Variants in CHD5 observed in about 807,000 individuals in gnomAD.
CHD5 encodes ATP-dependent chromatin remodeler CHD5.
Under a neutral mutation model 230.3 loss-of-function variants are expected in CHD5, and 69 were observed. That is an observed-to-expected ratio of 0.30 (90% CI 0.25 to 0.37). The LOEUF is 0.37. CHD5 is among the 10% of genes least tolerant of loss of function. The probability of loss-of-function intolerance (pLI) is 1.00; values close to 1 mark genes in which losing one functional copy is unlikely to be tolerated. For synonymous variants in CHD5, 1,064 were observed against 1,065.9 expected, an observed-to-expected ratio of 1.00 and a Z score of 0.03; for missense variants, 1,827 against 2,622.8, an observed-to-expected ratio of 0.70 and a Z score of 6.63.
At chr1:6,116,896 A>C (rs1290339741) in intron 33 of CHD5, among the ~76,000 whole-genome samples, 2 of 152,252 alleles carry the variant, frequency 1.3e-5, no homozygotes, top group African/African-American at 4.8e-5. Flanking sequence ...AAAAATTTAG[A>C]AATAAGCATA....
chr1:6,124,619 C>A lies in CHD5; in HGVS notation c.4437G>T (p.Gly1479=), dbSNP rs146870024. Residue 1479 remains glycine, a synonymous_variant, in exon 30 of 42, where the codon GGG becomes GGT. Coordinates refer to ENST00000262450, the MANE Select transcript of CHD5 (RefSeq NM_015557.3). ...SLFMRHLCEP[G]ADGAETFADG... is the part of the protein sequence containing the mutation. ...CTGCGAAGGTCTCTGCACCATCCGCCCCCGGCTCACACAGGTGCCGCATGA... is the reference window on the plus strand; with the variant it reads ...CTGCGAAGGTCTCTGCACCATCCGCACCCGGCTCACACAGGTGCCGCATGA... 19 of 1,600,690 alleles carry A rather than the reference C, an allele frequency of 1.2e-5. No homozygotes were observed. The highest frequency in any genetic ancestry group is 1.5e-5 in the Non-Finnish European group (18 of 1,173,526).
intron 30 of CHD5, 137 bp downstream of exon 30, chr1:6,124,380 C>A (rs1325396273): frequency 8.8e-6 from 9 of 1,021,422 alleles, no homozygotes; most frequent in Admixed American, 2.0e-5. Flanking sequence ...CAGGTCAGTC[C>A]CTCTGGAGTG....
In CHD5 at chr1:6,110,442, C is replaced by T. The variant is rs1213982092; in HGVS notation, c.5334G>A (p.Lys1778=). Residue 1778 remains lysine, a synonymous_variant, in exon 37 of 42, where the codon AAG becomes AAA. Transcript: ENST00000262450. ...LNEPFKSEVH[K]GNYLEMKNKF... is the part of the protein sequence containing the mutation. ...TGTTCTTCATCTCCAGGTAGTTGCC[C>T]TTGTGGACCTCAGACTTGAAGGGCT... is the stretch of plus-strand genomic sequence containing the variant. 6.2e-7 allele frequency: 1 copy of T among 1,614,058 alleles called. No homozygotes were observed. The highest frequency in any genetic ancestry group is 1.1e-5 in the South Asian group (1 of 91,080).
rs1379591102 is a variant in CHD5 at position 6,151,257 on chromosome 1, GAC to G, written c.871-104_871-103del. ...GACAAAGCACGGAAGAGGCTCTGGAGACACAGTGCTCTCTGTGATTCATCTCA... is the reference window on the plus strand; with the variant it reads ...GACAAAGCACGGAAGAGGCTCTGGAGACAGTGCTCTCTGTGATTCATCTCA... On this transcript the variant is annotated intron_variant, in intron 6 of 41. Transcript: ENST00000262450. 5.0e-4 allele frequency: 668 copies of G among 1,328,152 alleles called. 1 individual carries two copies. Among genetic ancestry groups the G allele is most frequent in the Non-Finnish European group, 6.4e-4 (639 of 999,556 alleles). The allele number at this position is 1,328,152 out of a possible 1,614,324, so 82.3% of individuals were successfully genotyped here.
At chr1:6,109,728 G>A in intron 38 of CHD5, 67 bp downstream of exon 38, 1 of 1,421,276 alleles carries the variant, frequency 7.0e-7, no homozygotes, top group Non-Finnish European at 9.8e-7. Flanking sequence ...CTCATCTACA[G>A]CCAAGAGCGC....
At chr1:6,140,452 C>T (rs1197505474) in intron 15 of CHD5, among the ~76,000 whole-genome samples, 2 of 151,986 alleles carry the variant, frequency 1.3e-5, no homozygotes, top group Admixed American at 6.6e-5. Flanking sequence ...CGGGCCCCAC[C>T]CCAGCACTGC....
Position 6,142,091 on chromosome 1 carries a change from C to T in CHD5, c.2436+37G>A. Reference sequence around the variant, plus strand: ...CGTGGTCCCTGAACTAGACCGGGGGCCTTCCTACCGTCCTTCCAAGGATAG... The same window carrying T: ...CGTGGTCCCTGAACTAGACCGGGGGTCTTCCTACCGTCCTTCCAAGGATAG... On this transcript the variant is annotated intron_variant, in intron 15 of 41. Transcript: ENST00000262450. This position sits in a 1 kb window ranked among gnomAD's most constrained non-coding sequence, Gnocchi z 5.2. 1 of 1,579,104 alleles carries T rather than the reference C, an allele frequency of 6.3e-7. No individual in the cohort carries two copies. Among genetic ancestry groups the T allele is most frequent in the Non-Finnish European group, 8.7e-7 (1 of 1,149,218 alleles).
At chr1:6,162,531 G>A (rs1053607291) in intron 2 of CHD5, among the ~76,000 whole-genome samples, 5 of 152,154 alleles carry the variant, frequency 3.3e-5, no homozygotes, top group East Asian at 1.9e-4. Context: ...GGGCTGGGCC[G>A]CCTTGCTGTG....
rs1258577201 is a variant in CHD5 at position 6,129,386 on chromosome 1, G to A, written c.3388-317C>T. On this transcript the variant is annotated intron_variant, in intron 22 of 41. Coordinates refer to ENST00000262450, the MANE Select transcript of CHD5 (RefSeq NM_015557.3). This position sits in a 1 kb window ranked among gnomAD's most constrained non-coding sequence, Gnocchi z 6.8. ...TGCTGGGTGTAACTGAAGCCACACA[G>A]AGCTTCGTGGGGGCCACGGGGAGGT... is the stretch of plus-strand genomic sequence containing the variant. Among the ~76,000 whole-genome samples, 2 of 152,220 alleles carry A rather than the reference G, an allele frequency of 1.3e-5. No homozygotes were observed. Among genetic ancestry groups the A allele is most frequent in the Non-Finnish European group, 2.9e-5 (2 of 68,032 alleles).
In CHD5 at chr1:6,151,144, A is replaced by T. The variant is rs267598682; in HGVS notation, c.882T>A (p.Asp294Glu). ...KRKKGSSSEE[D>E]EREESDFDSA... ...TGTCGAAGTCCGACTCCTCCCTCTC[A>T]TCTTCTTCACTCTGCAGGGGAAGAC... Residue 294 changes from aspartate (D) to glutamate (E), a missense_variant, in exon 7 of 42, where the codon GAT becomes GAA. Physicochemically the swap from Asp to Glu is conservative, Grantham distance 45. Around this residue, in one of 14 missense-constraint regions of CHD5, gnomAD observed 657 missense variants for 816.4 expected, o/e 0.80. Coordinates refer to ENST00000262450, the MANE Select transcript of CHD5 (RefSeq NM_015557.3). 6.2e-7 allele frequency: 1 copy of T among 1,607,400 alleles called. No homozygotes were observed. The highest frequency in any genetic ancestry group is 8.5e-7 in the Non-Finnish European group (1 of 1,176,538).
At chr1:6,110,955 C>T (rs760317564) in intron 36 of CHD5, among the ~76,000 whole-genome samples, 5 of 152,178 alleles carry the variant, frequency 3.3e-5, no homozygotes, top group Non-Finnish European at 7.4e-5. Flanking sequence ...TGGGGCCAGG[C>T]ATGGTGGCTC....
Position 6,134,356 on chromosome 1 carries a change from T to A in CHD5, c.3013-97A>T. ...CAGGGAACAGACAAGTGCTGAGCAA[T>A]GGGGTGATGGCCTGTCTGCCCACTG... On this transcript the variant is annotated intron_variant, in intron 19 of 41. Transcript: ENST00000262450. This position sits in a 1 kb window ranked among gnomAD's most constrained non-coding sequence, Gnocchi z 6.3. 2 of 1,406,582 alleles carry A rather than the reference T, an allele frequency of 1.4e-6. No homozygotes were observed. Among genetic ancestry groups the A allele is most frequent in the Non-Finnish European group, 2.0e-6 (2 of 1,021,576 alleles). 87.1% of individuals were successfully genotyped at this position (1,406,582 alleles called of 1,614,324 possible). A position where few individuals can be genotyped will look rare whatever the true frequency, so the allele number is the denominator to read the frequency against.
chr1:6,124,668 T>TTG lies in CHD5; in HGVS notation c.4395-8_4395-7insCA, dbSNP rs769553533. ...GAAGAGGGACACATAGGCTCTGGGG[T>TTG]GGGGGGGGGGGACTGGGGCTCAGGG... is the stretch of plus-strand genomic sequence containing the variant. On this transcript the variant is annotated splice_region_variant and splice_polypyrimidine_tract_variant and intron_variant, in intron 29 of 41. Transcript: ENST00000262450. 17 of 426,738 alleles carry TTG rather than the reference T, an allele frequency of 4.0e-5. No individual in the cohort carries two copies. In the African/African-American group the frequency reaches 5.6e-4, roughly 14 times the overall value. 26.4% of individuals were successfully genotyped at this position (426,738 alleles called of 1,614,324 possible).
Position 6,105,080 on chromosome 1 carries a change from G to A in CHD5, c.*394C>T, listed in dbSNP as rs1032592492. The A allele has an allele frequency of 4.9e-5, 16 of 324,628 alleles. No individual in the cohort carries two copies. Among genetic ancestry groups the A allele is most frequent in the African/African-American group, 3.0e-4 (14 of 45,974 alleles). The allele number at this position is 324,628 out of a possible 1,614,324, so 20.1% of individuals were successfully genotyped here. On this transcript the variant is annotated 3_prime_UTR_variant, in exon 42 of 42. Coordinates refer to ENST00000262450, the MANE Select transcript of CHD5 (RefSeq NM_015557.3). The surrounding 1 kb of genome is among the most constrained non-coding windows in gnomAD (Gnocchi z 4.8). ...CGGTAAAGAGACATCAGTGCTGCAG[G>A]TTCGAATCTTCCATACGTCATCCAA...
At chr1:6,173,379 C>G (rs1667369325) in intron 1 of CHD5, among the ~76,000 whole-genome samples, 1 of 152,068 alleles carries the variant, frequency 6.6e-6, no homozygotes, top group Non-Finnish European at 1.5e-5. Flanking sequence ...GCTGGGATTA[C>G]AGGCATGAGC....
Position 6,106,697 on chromosome 1 carries a change from C to A in CHD5, c.5661G>T (p.Pro1887=), listed in dbSNP as rs945993499. The change falls in exon 39 of 42, where the codon CCG becomes CCT. Residue 1887 remains proline, a synonymous_variant. Transcript: ENST00000262450. The part of the protein sequence containing the change: ...RLPSMLSRIP[P]VAARLQMSER... ...CCGACATCTGCAGCCGGGCGGCCAC[C>A]GGGGGGATGCGGGACAGCATGGATG... The A allele has an allele frequency of 6.2e-7, 1 of 1,611,556 alleles. No homozygotes were observed. The highest frequency in any genetic ancestry group is 8.5e-7 in the Non-Finnish European group (1 of 1,179,612).
At chr1:6,115,084 G>A (rs377287473) in intron 33 of CHD5, among the ~76,000 whole-genome samples, 16 of 151,726 alleles carry the variant, frequency 1.1e-4, no homozygotes, top group Admixed American at 1.3e-4. Context: ...AGGCCGAGGC[G>A]GGCAGATCAC....
chr1:6,154,963 C>A lies in CHD5; in HGVS notation c.507-65G>T. ...TGAGATGAGAGGCCCACCCGACCCC[C>A]GGCAGGGCCCACCCCTCTGCCACAT... On this transcript the variant is annotated intron_variant, in intron 4 of 41. Transcript: ENST00000262450. The surrounding 1 kb of genome is among the most constrained non-coding windows in gnomAD (Gnocchi z 7.0). 2 of 1,414,732 alleles carry A rather than the reference C, an allele frequency of 1.4e-6. No individual in the cohort carries two copies. Among genetic ancestry groups the A allele is most frequent in the Non-Finnish European group, 2.0e-6 (2 of 1,019,830 alleles). The allele number at this position is 1,414,732 out of a possible 1,614,324, so 87.6% of individuals were successfully genotyped here. A position where few individuals can be genotyped will look rare whatever the true frequency, so the allele number is the denominator to read the frequency against.
In CHD5 at chr1:6,154,928, C is replaced by G. The variant is rs1176727830; in HGVS notation, c.507-30G>C. Reference sequence around the variant, plus strand: ...AGGGGGAGAGGCAGGAGGGTGAGGGCAAGGCCAGGTGAGATGAGAGGCCCA... The same window carrying G: ...AGGGGGAGAGGCAGGAGGGTGAGGGGAAGGCCAGGTGAGATGAGAGGCCCA... On this transcript the variant is annotated intron_variant, in intron 4 of 41. Transcript: ENST00000262450. The surrounding 1 kb of genome is among the most constrained non-coding windows in gnomAD (Gnocchi z 7.0). 1.2e-6 allele frequency: 2 copies of G among 1,600,264 alleles called. No homozygotes were observed. Among genetic ancestry groups the G allele is most frequent in the Middle Eastern group, 3.4e-4 (2 of 5,966 alleles).
Sources: allele counts gnomAD v4.1 joint callset (sites outside exome capture counted in the v4.1 genomes callset), GRCh38; gene constraint gnomAD v4.1.1; regional missense constraint gnomAD v4.1.1; non-coding constraint Gnocchi (gnomAD v3.1); transcripts MANE v1.5; gene names NCBI Gene and HGNC (gene_info 2026-07-23, HGNC 2026-07-21).